KRT74: variants seen among roughly 807,000 people sequenced by gnomAD.
The protein encoded by KRT74 is keratin 74.
A neutral mutation model predicts 42.7 loss-of-function variants in KRT74; 43 were observed. The observed-to-expected ratio is 1.01, with a 90% CI of 0.79 to 1.30. The LOEUF (loss-of-function observed/expected upper bound fraction) is 1.30. Ranked by LOEUF, KRT74 falls within the 50% of genes most tolerant of loss-of-function variation. The pLI is 0.00. For synonymous variants in KRT74, 302 were observed against 279.0 expected (o/e 1.08, Z -0.82); for missense variants, 736 against 689.1 (o/e 1.07, Z -0.76).
intron 7 of KRT74, 56 bp downstream of exon 7, chr12:52,568,113 C>A (rs141454466): frequency 1.6e-5 from 25 of 1,594,918 alleles, no homozygotes; most frequent in Non-Finnish European, 2.1e-5. Flanking sequence ...GGCCCCTCAG[C>A]CAGACAGGAG....
At chr12:52,568,681 T>G (rs1163431048) in intron 6 of KRT74, among the ~76,000 whole-genome samples, 3 of 152,128 alleles carry the variant, frequency 2.0e-5, no homozygotes, top group African/African-American at 7.2e-5. Context: ...ATCTACAGAT[T>G]CAAAATACTA....
rs1381850901 is a variant in KRT74 at position 52,573,478 on chromosome 12, C to T, written c.300G>A (p.Gly100=). ...AGSMFGSVAL[G]PACLSVCPPG... ...GTGGGCACACAGACAAACATGCAGGCCCCAGGGCCACACTGCCAAACATAC... is the reference window on the plus strand; with the variant it reads ...GTGGGCACACAGACAAACATGCAGGTCCCAGGGCCACACTGCCAAACATAC... The change falls in exon 1 of 9, where the codon GGG becomes GGA. Residue 100 remains glycine (G), a synonymous_variant. Coordinates refer to ENST00000305620, the MANE Select transcript of KRT74 (RefSeq NM_175053.4). 1 of 1,614,208 alleles carries T rather than the reference C, an allele frequency of 6.2e-7. No homozygotes were observed. Among genetic ancestry groups the T allele is most frequent in the Non-Finnish European group, 8.5e-7 (1 of 1,180,054 alleles).
At position 52,572,329 on chromosome 12, in the gene KRT74, A is replaced by G; in HGVS notation, c.686+124T>C. 5.0e-6 allele frequency: 5 copies of G among 1,007,312 alleles called. No homozygotes were observed. The South Asian group carries it at 6.6e-5, about 13-fold the overall frequency. The allele number at this position is 1,007,312 out of a possible 1,614,324, so 62.4% of individuals were successfully genotyped here. A position where few individuals can be genotyped will look rare whatever the true frequency, so the allele number is the denominator to read the frequency against. ...TAGGCCCTTCCCCCTAGCCAGAGAA[A>G]GGGATGTGAGCTCCTGACCCTGGTG... On this transcript the variant is annotated intron_variant, in intron 2 of 8. Coordinates refer to ENST00000305620, the MANE Select transcript of KRT74 (RefSeq NM_175053.4).
chr12:52,571,669 G>A (rs576024355), intron 3 of KRT74, among the ~76,000 whole-genome samples: 1 of 152,208 alleles, frequency 6.6e-6, no homozygotes, highest in Admixed American at 6.5e-5. Flanking sequence ...AGCCCAGAGA[G>A]GTAGTAGGTT....
Position 52,572,000 on chromosome 12 carries a change from C to T in KRT74, c.691G>A (p.Glu231Lys). 1.9e-6 allele frequency: 3 copies of T among 1,590,686 alleles called. No individual in the cohort carries two copies. Among genetic ancestry groups the T allele is most frequent in the Admixed American group, 1.7e-5 (1 of 59,992 alleles). The stretch of plus-strand genomic sequence containing the variant: ...GTCGTGCGCCGGTTAATCTCCACTT[C>T]ATATCTGCCAGCAGGGAGAGTAGAT... The part of the protein sequence containing the change: ...DLVEDYKKRY[E>K]VEINRRTTAE... Residue 231 changes from glutamate (E) to lysine (K), a missense_variant, in exon 3 of 9, where the codon GAA (glutamate) becomes AAA (lysine). Transcript: ENST00000305620.
At position 52,569,889 on chromosome 12, in the gene KRT74, G is replaced by C. The variant is rs766926140; in HGVS notation, c.1104C>G (p.Ile368Met). The change falls in exon 6 of 9, where the codon ATC (isoleucine) becomes ATG (methionine). Residue 368 changes from isoleucine (I) to methionine (M), a missense_variant. By Grantham distance (10) the Ile-to-Met change is conservative (BLOSUM62 1). Transcript: ENST00000305620. Reference protein sequence around the residue: ...MVELNRLIQRIRCEIGNVKKQ... With the variant: ...MVELNRLIQRMRCEIGNVKKQ... Reference sequence around the variant, plus strand: ...TCTTCACATTCCCGATCTCACACCGGATCCTCTGGATGAGCCGGTTCAGCT... The same window carrying C: ...TCTTCACATTCCCGATCTCACACCGCATCCTCTGGATGAGCCGGTTCAGCT... 3.1e-5 allele frequency: 50 copies of C among 1,614,088 alleles called. 1 individual carries two copies. In the East Asian group the frequency reaches 1.1e-3, roughly 36 times the overall value.
In KRT74 at chr12:52,573,641, C is replaced by A. The variant is rs775198751; in HGVS notation, c.137G>T (p.Gly46Val). Residue 46 changes from glycine to valine, a missense_variant, in exon 1 of 9, where the codon GGC (glycine) becomes GTC (valine). Gly to Val is a moderately radical substitution (Grantham distance 109). Transcript: ENST00000305620. ...TCCAAGGCTATAGAGGCTCCGACTG[C>A]CAAAGCCAGCGCCAGCCCCTCTGCC... is the stretch of plus-strand genomic sequence containing the variant. ...AAGRGAGAGFGSRSLYSLGGN... is the reference protein window; with the variant it reads ...AAGRGAGAGFVSRSLYSLGGN... 6.2e-7 allele frequency: 1 copy of A among 1,614,150 alleles called. No homozygotes were observed. Among genetic ancestry groups the A allele is most frequent in the Non-Finnish European group, 8.5e-7 (1 of 1,180,030 alleles).
chr12:52,569,508 A>T, intron 6 of KRT74: 1 of 606,958 alleles, frequency 1.6e-6, no homozygotes, highest in Non-Finnish European at 2.9e-6. Flanking sequence ...GACATGGGGC[A>T]GGTTCATTGG....
chr12:52,567,574 A>C, intron 8 of KRT74, 85 bp downstream of exon 8: 1 of 968,432 alleles, frequency 1.0e-6, no homozygotes, highest in Non-Finnish European at 1.7e-6. Context: ...GCTTCTTGGG[A>C]GGTGAGACAG....
chr12:52,567,690 C>A lies in KRT74; in HGVS notation c.1359G>T (p.Met453Ile). The A allele has an allele frequency of 6.2e-7, 1 of 1,610,834 alleles. No individual in the cohort carries two copies. ...RKLLEGEECR[M>I]SGENPSSVSI... is the part of the protein sequence containing the mutation. ...TCACAGAGGATGGATTCTCACCAGACATCCTGTGAGACAGAAAGTTAGAGA... is the reference window on the plus strand; with the variant it reads ...TCACAGAGGATGGATTCTCACCAGAAATCCTGTGAGACAGAAAGTTAGAGA... Residue 453 changes from methionine (M) to isoleucine (I), a missense_variant, in exon 8 of 9, where the codon ATG (methionine) becomes ATT (isoleucine). By Grantham distance (10) the Met-to-Ile change is conservative (BLOSUM62 1). Transcript: ENST00000305620.
chr12:52,566,730 G>A lies in KRT74; in HGVS notation c.*239C>T. ...ATGGCTTGTGCCTCCAAAGCCTCCT[G>A]CCAGCCAAAGGCAGCGAGGAAAATG... is the stretch of plus-strand genomic sequence containing the variant. On this transcript the variant is annotated 3_prime_UTR_variant, in exon 9 of 9. Coordinates refer to ENST00000305620, the MANE Select transcript of KRT74 (RefSeq NM_175053.4). 4.7e-6 allele frequency: 2 copies of A among 429,832 alleles called. No homozygotes were observed. Among genetic ancestry groups the A allele is most frequent in the Non-Finnish European group, 8.3e-6 (2 of 242,078 alleles). 26.6% of individuals were successfully genotyped at this position (429,832 alleles called of 1,614,324 possible). A position where few individuals can be genotyped will look rare whatever the true frequency, so the allele number is the denominator to read the frequency against.
At chr12:52,568,965 G>A (rs1437504643) in intron 6 of KRT74, among the ~76,000 whole-genome samples, 1 of 152,162 alleles carries the variant, frequency 6.6e-6, no homozygotes, top group Non-Finnish European at 1.5e-5. Context: ...ATGAACATCT[G>A]GGGGGCATTG....
At chr12:52,569,755 A>G in intron 6 of KRT74, 104 bp downstream of exon 6, 1 of 1,475,604 alleles carries the variant, frequency 6.8e-7, no homozygotes, top group Non-Finnish European at 9.4e-7. Flanking sequence ...AGGGACCCCT[A>G]AGCCCAGCAG....
intron 2 of KRT74, 130 bp from the exon 3 acceptor site, chr12:52,572,134 C>A: frequency 1.3e-6 from 1 of 789,896 alleles, no homozygotes; most frequent in Non-Finnish European, 2.3e-6. Context: ...AGGCTAGTGA[C>A]AGGAGTAAGA....
chr12:52,567,986 C>A (rs537153357), intron 7 of KRT74, among the ~76,000 whole-genome samples, 183 bp downstream of exon 7: 1 of 152,272 alleles, frequency 6.6e-6, no homozygotes, highest in South Asian at 2.1e-4. Flanking sequence ...CAGCAGCACA[C>A]GGCCATCTAC....
intron 5 of KRT74, among the ~76,000 whole-genome samples, chr12:52,570,249 G>A (rs555032834): frequency 6.6e-6 from 1 of 152,258 alleles, no homozygotes; most frequent in East Asian, 1.9e-4. Context: ...CTTCCCGTGG[G>A]GATCAGGAAA....
rs773877529 is a variant in KRT74 at position 52,573,771 on chromosome 12, G to A, written c.7C>T (p.Arg3Trp). 37 of 1,612,648 alleles carry A rather than the reference G, an allele frequency of 2.3e-5. No individual in the cohort carries two copies. Among genetic ancestry groups the A allele is most frequent in the Admixed American group, 5.0e-5 (3 of 60,006 alleles). The part of the protein sequence containing the change: MS[R>W]QLNIKSSGDK... ...CCACTGGACTTGATGTTCAGTTGCC[G>A]ACTCATGGTGGGAAAGGTTGAGTTG... Residue 3 changes from arginine (R) to tryptophan (W), a missense_variant, in exon 1 of 9, where the codon CGG becomes TGG. Coordinates refer to ENST00000305620, the MANE Select transcript of KRT74 (RefSeq NM_175053.4).
rs765662702 is a variant in KRT74 at position 52,569,902 on chromosome 12, A to T, written c.1091T>A (p.Leu364His). 6.2e-7 allele frequency: 1 copy of T among 1,614,118 alleles called. No individual in the cohort carries two copies. Among genetic ancestry groups the T allele is most frequent in the African/African-American group, 1.3e-5 (1 of 75,022 alleles). ...GATCTCACACCGGATCCTCTGGATG[A>T]GCCGGTTCAGCTCCACCATCTCGCT... ...TRSEMVELNR[L>H]IQRIRCEIGN... The change falls in exon 6 of 9, where the codon CTC becomes CAC. Residue 364 changes from leucine (L) to histidine (H), a missense_variant. Leu to His is a moderately conservative substitution (Grantham distance 99, BLOSUM62 -3). Transcript: ENST00000305620.
At chr12:52,569,273 C>G (rs11170174) in intron 6 of KRT74, among the ~76,000 whole-genome samples, 21,995 of 139,212 alleles carry the variant, frequency 0.16, 1,218 homozygotes, top group East Asian at 0.38. Flanking sequence ...CCCACCCCCC[C>G]GCCCACTAAC....
Sources: gnomAD v4.1 joint callset for allele counts (sites outside exome capture counted in the v4.1 genomes callset) on GRCh38, gnomAD v4.1.1 for gene constraint, MANE v1.5 for transcripts, NCBI Gene and HGNC (gene_info 2026-07-23, HGNC 2026-07-21) for gene names.